The following MIS18BP1 variants were observed in gnomAD, a reference collection of about 807,000 sequenced individuals.
MIS18BP1 encodes mis18-binding protein 1.
A neutral mutation model predicts 116.1 loss-of-function variants in MIS18BP1; 72 were observed. The ratio of observed to expected loss-of-function variants is 0.62; its 90% confidence interval spans 0.51 to 0.75. The LOEUF (loss-of-function observed/expected upper bound fraction) is 0.75, where lower values mean the gene tolerates loss of function less well. MIS18BP1 is among the 30% of genes least tolerant of loss of function. The probability of loss-of-function intolerance (pLI) is 0.00; values close to 1 mark genes in which losing one functional copy is unlikely to be tolerated. For missense variants in MIS18BP1, 1,363 were observed against 1,303.2 expected (o/e 1.05, Z -0.71); for synonymous variants, 386 against 427.0 (o/e 0.90, Z 1.18).
chr14:45,210,344 G>A (rs768045905), intron 14 of MIS18BP1, 36 bp downstream of exon 14: 5 of 1,597,282 alleles, frequency 3.1e-6, no homozygotes, highest in Admixed American at 1.7e-5. Flanking sequence ...CTACTCTGAT[G>A]CAGAGAATTA....
intron 2 of MIS18BP1, 71 bp downstream of exon 2, chr14:45,246,672 C>T: frequency 2.1e-6 from 3 of 1,407,246 alleles, no homozygotes; most frequent in East Asian, 2.4e-5. Context: ...ATATTCTGAG[C>T]ACCTAAAACA....
chr14:45,245,446 C>T lies in MIS18BP1; in HGVS notation c.544+1297G>A, dbSNP rs541636671. On this transcript the variant is annotated intron_variant, in intron 2 of 16. Transcript: ENST00000310806. ...ATGGCGTGATCTCAGCTCACCACAA[C>T]CTCTGCCTCCCGGGTTCAAGCAATT... 3.3e-5 allele frequency among the ~76,000 whole-genome samples: 5 copies of T among 152,086 alleles called. No homozygotes were observed. The South Asian group carries it at 1.0e-3, about 32-fold the overall frequency.
chr14:45,222,835 TA>T (rs1891010559), intron 11 of MIS18BP1, among the ~76,000 whole-genome samples: 1 of 152,218 alleles, frequency 6.6e-6, no homozygotes, highest in Non-Finnish European at 1.5e-5. Flanking sequence ...GGGCTTTTAT[TA>T]CTCTGCTCTG....
intron 7 of MIS18BP1, among the ~76,000 whole-genome samples, chr14:45,232,250 A>G (rs1891299929): frequency 6.6e-6 from 1 of 151,770 alleles, no homozygotes; most frequent in Non-Finnish European, 1.5e-5. Flanking sequence ...CCCTGTCTCT[A>G]CTAAAAATAC....
intron 10 of MIS18BP1, 21 bp from the exon 11 acceptor site, chr14:45,224,767 A>T (rs1891081236): frequency 6.7e-7 from 1 of 1,482,050 alleles, no homozygotes; most frequent in East Asian, 2.3e-5. Context: ...ATAAGACAAA[A>T]CCAAAGACCA....
intron 7 of MIS18BP1, among the ~76,000 whole-genome samples, chr14:45,231,787 A>G (rs559781582): frequency 2.6e-5 from 4 of 152,164 alleles, no homozygotes; most frequent in Non-Finnish European, 5.9e-5. Context: ...ACCAGTTATT[A>G]TATTTGTGCT....
At position 45,209,271 on chromosome 14, in the gene MIS18BP1, GT is replaced by G. The variant is rs1194678865; in HGVS notation, c.3152+1108del. Among the ~76,000 whole-genome samples the G allele has an allele frequency of 2.0e-5, 3 of 151,518 alleles. No homozygotes were observed. The East Asian group carries it at 5.8e-4, about 29-fold the overall frequency. On this transcript the variant is annotated intron_variant, in intron 14 of 16. Transcript: ENST00000310806. ...TATATTATTCACTGCATCTACCTTT[GT>G]TTCATTTAATATATCTTAGGCATTT...
In MIS18BP1 at chr14:45,242,738, A is replaced by G. The variant is rs748627358; in HGVS notation, c.658+23T>C. ...AACAATATACTTAAGTAACAAACTGAAAACAAACCAAAAATAGTTTACCGT... is the reference window on the plus strand; with the variant it reads ...AACAATATACTTAAGTAACAAACTGGAAACAAACCAAAAATAGTTTACCGT... On this transcript the variant is annotated intron_variant, in intron 3 of 16. Transcript: ENST00000310806. 4 of 1,580,454 alleles carry G rather than the reference A, an allele frequency of 2.5e-6. No individual in the cohort carries two copies. The East Asian group carries it at 8.9e-5, about 35-fold the overall frequency.
Position 45,218,384 on chromosome 14 carries a change from A to T in MIS18BP1, c.2740T>A (p.Ser914Thr), listed in dbSNP as rs771830656. ...TATTTCCTCTGGCATTCTTCAGGAG[A>T]TCGAGAACCTACAGCCGCAGCTACC... is the stretch of plus-strand genomic sequence containing the variant. The part of the protein sequence containing the change: ...SEVAAAVGSR[S>T]PEECQRKYME... The change falls in exon 12 of 17, where the codon TCT becomes ACT. Residue 914 changes from serine to threonine, a missense_variant. By Grantham distance (58) the Ser-to-Thr change is moderately conservative. Coordinates refer to ENST00000310806, the MANE Select transcript of MIS18BP1 (RefSeq NM_018353.5). The T allele has an allele frequency of 1.9e-5, 31 of 1,613,836 alleles. No individual in the cohort carries two copies. The African/African-American group carries it at 3.3e-4, about 17-fold the overall frequency.
At chr14:45,214,571 G>A (rs753577871) in intron 13 of MIS18BP1, among the ~76,000 whole-genome samples, 4 of 152,098 alleles carry the variant, frequency 2.6e-5, no homozygotes, top group South Asian at 2.1e-4. Context: ...GCTGAGTGCC[G>A]GTCCCCTGGG....
chr14:45,235,813 C>T lies in MIS18BP1; in HGVS notation c.1348+1G>A. 1.3e-6 allele frequency: 2 copies of T among 1,595,166 alleles called. No homozygotes were observed. The highest frequency in any genetic ancestry group is 1.7e-6 in the Non-Finnish European group (2 of 1,173,158). ...ACTTATCAATAATGACAGTCATTTA[C>T]CTGCTTCTTTCATGGAAATTTGGTC... On this transcript the variant is annotated splice_donor_variant, in intron 6 of 16. Coordinates refer to ENST00000310806, the MANE Select transcript of MIS18BP1 (RefSeq NM_018353.5). LOFTEE classifies it high-confidence loss of function.
intron 2 of MIS18BP1, among the ~76,000 whole-genome samples, chr14:45,244,957 T>C (rs1891685319): frequency 6.6e-6 from 1 of 152,230 alleles, no homozygotes; most frequent in Non-Finnish European, 1.5e-5. Context: ...CAATTTTTTT[T>C]CTTCCTACTC....
chr14:45,222,861 C>G (rs917296171), intron 11 of MIS18BP1, among the ~76,000 whole-genome samples: 1 of 152,148 alleles, frequency 6.6e-6, no homozygotes, highest in Non-Finnish European at 1.5e-5. Flanking sequence ...ATGCCTCACA[C>G]AACTGAATTT....
At chr14:45,206,053 G>C (rs1890506811) in intron 15 of MIS18BP1, 30 bp downstream of exon 15, 1 of 1,394,974 alleles carries the variant, frequency 7.2e-7, no homozygotes, top group Non-Finnish European at 1.0e-6. Flanking sequence ...TTGTTTCATA[G>C]ATATGTATTG....
intron 8 of MIS18BP1, among the ~76,000 whole-genome samples, chr14:45,228,466 GTTC>G (rs745406033): frequency 3.1e-4 from 47 of 152,022 alleles, no homozygotes; most frequent in Non-Finnish European, 2.5e-4. Flanking sequence ...GCTAATAACT[GTTC>G]TTCTTCTATT....
At chr14:45,214,206 G>A (rs965117547) in intron 13 of MIS18BP1, among the ~76,000 whole-genome samples, 1 of 152,174 alleles carries the variant, frequency 6.6e-6, no homozygotes, top group Admixed American at 6.5e-5. Context: ...TAAGAGGAAG[G>A]TATCTGTCTC....
chr14:45,214,427 G>A (rs1257998711), intron 13 of MIS18BP1, among the ~76,000 whole-genome samples: 2 of 152,218 alleles, frequency 1.3e-5, no homozygotes, highest in African/African-American at 4.8e-5. Context: ...TTTTCCTGCT[G>A]ACCCTCTCCC....
intron 10 of MIS18BP1, 29 bp downstream of exon 10, chr14:45,226,714 T>C: frequency 2.3e-6 from 3 of 1,321,734 alleles, no homozygotes; most frequent in Non-Finnish European, 2.0e-6. Context: ...TTTCTGCTTA[T>C]GATTAAAAAA....
At position 45,212,822 on chromosome 14, in the gene MIS18BP1, G is replaced by C. The variant is rs534186634; in HGVS notation, c.3004-2294C>G. Reference sequence around the variant, plus strand: ...TGGGCATGCAGACAGCCCGCCCCAAGGTTAGAATCCGGGGAGAAGGAACAC... The same window carrying C: ...TGGGCATGCAGACAGCCCGCCCCAACGTTAGAATCCGGGGAGAAGGAACAC... On this transcript the variant is annotated intron_variant, in intron 13 of 16. Coordinates refer to ENST00000310806, the MANE Select transcript of MIS18BP1 (RefSeq NM_018353.5). Among the ~76,000 whole-genome samples, 233 of 152,302 alleles carry C rather than the reference G, an allele frequency of 1.5e-3. 2 individuals carry two copies. Among genetic ancestry groups the C allele is most frequent in the African/African-American group, 5.1e-3 (214 of 41,558 alleles).
Sources: allele counts gnomAD v4.1 joint callset (sites outside exome capture counted in the v4.1 genomes callset), GRCh38; gene constraint gnomAD v4.1.1; transcripts MANE v1.5; gene names NCBI Gene and HGNC (gene_info 2026-07-23, HGNC 2026-07-21).